The following LDLRAD4 variants were observed in gnomAD, a reference collection of about 807,000 sequenced individuals.
The protein encoded by LDLRAD4 is low-density lipoprotein receptor class A domain-containing protein 4.
LDLRAD4 carries 5 observed loss-of-function variants against 17.0 expected under a neutral mutation model. The observed-to-expected ratio is 0.29, with a 90% CI of 0.15 to 0.62. The LOEUF (loss-of-function observed/expected upper bound fraction) is 0.62. Among genes scored for constraint, LDLRAD4 ranks in the 20% least tolerant of loss-of-function variants. The probability of loss-of-function intolerance (pLI) is 0.84; values close to 1 mark genes in which losing one functional copy is unlikely to be tolerated. For missense variants in LDLRAD4, 340 were observed against 424.7 expected (o/e 0.80, Z 1.75); for synonymous variants, 168 against 171.8 (o/e 0.98, Z 0.17).
Position 13,612,419 on chromosome 18 carries a change from T to C in LDLRAD4, c.182-8698T>C, listed in dbSNP as rs868105646. On this transcript the variant is annotated intron_variant, in intron 3 of 5. Coordinates refer to ENST00000359446, the Ensembl canonical transcript of LDLRAD4. ...GCTTCCTGCCGCAGAGCTCCTGGTTTCTGTTGATGGCAGTTGATAATTGGT... is the reference window on the plus strand; with the variant it reads ...GCTTCCTGCCGCAGAGCTCCTGGTTCCTGTTGATGGCAGTTGATAATTGGT... The C allele has an allele frequency of 3.4e-5, 42 of 1,243,866 alleles. No homozygotes were observed. The African/African-American group carries it at 6.0e-4, about 18-fold the overall frequency. 77.1% of individuals were successfully genotyped at this position (1,243,866 alleles called of 1,614,324 possible).
At chr18:13,337,001 T>A (rs1568021429) in intron 1 of LDLRAD4, among the ~76,000 whole-genome samples, 1 of 152,200 alleles carries the variant, frequency 6.6e-6, no homozygotes, top group Admixed American at 6.5e-5. Flanking sequence ...TTGAGTGAGC[T>A]GGGTTTTCCA....
At chr18:13,465,716 C>T (rs1020180864) in intron 3 of LDLRAD4, among the ~76,000 whole-genome samples, 19 of 152,146 alleles carry the variant, frequency 1.2e-4, no homozygotes, top group African/African-American at 4.3e-4. Context: ...GTTAGGCCTG[C>T]GGCTTGGCAG....
chr18:13,627,306 A>T (rs2041261878), intron 4 of LDLRAD4, among the ~76,000 whole-genome samples: 1 of 152,168 alleles, frequency 6.6e-6, no homozygotes, highest in South Asian at 2.1e-4. Context: ...TTCACATGAA[A>T]ATTGGAGTTT....
intron 5 of LDLRAD4, chr18:13,644,916 A>G: frequency 1.8e-6 from 1 of 555,486 alleles, no homozygotes. Context: ...ATGCGCTGGG[A>G]TTTGGCAAGG....
At chr18:13,550,838 C>T (rs901701202) in intron 3 of LDLRAD4, among the ~76,000 whole-genome samples, 40 of 152,146 alleles carry the variant, frequency 2.6e-4, no homozygotes, top group African/African-American at 8.7e-4. Context: ...CCTTCCTCTG[C>T]GAGCAGGCAG....
At chr18:13,612,668 C>T (rs1334833505) in intron 3 of LDLRAD4, 2 of 1,613,326 alleles carry the variant, frequency 1.2e-6, no homozygotes, top group Non-Finnish European at 8.5e-7. Flanking sequence ...GGGGGGGCTG[C>T]GTCACAGTTG....
chr18:13,639,145 T>G (rs934494589), intron 4 of LDLRAD4, among the ~76,000 whole-genome samples: 1 of 152,258 alleles, frequency 6.6e-6, no homozygotes, highest in African/African-American at 2.4e-5. Context: ...GATACAACAA[T>G]GTAAGCATTA....
rs551609648 is a variant in LDLRAD4, at chr18:13,254,733, C to T, written c.-466-23372C>T. Among the ~76,000 whole-genome samples, 16 of 152,336 alleles carry T rather than the reference C, an allele frequency of 1.1e-4. No individual in the cohort carries two copies. In the South Asian group the frequency reaches 3.3e-3, roughly 32 times the overall value. ...ATCCCAGAGCTTTGGGAGGCTGAGG[C>T]AGGAGGATCATTTGAGCCCAAGAGT... On this transcript the variant is annotated intron_variant, in intron 1 of 5. Coordinates refer to the LDLRAD4 transcript ENST00000399848.
At chr18:13,348,332 G>A (rs978946004) in intron 1 of LDLRAD4, among the ~76,000 whole-genome samples, 4 of 152,166 alleles carry the variant, frequency 2.6e-5, no homozygotes, top group African/African-American at 9.7e-5. Context: ...TTTGCTGGAG[G>A]TCCACTCCAG....
chr18:13,443,448 C>A (rs2091165812), intron 3 of LDLRAD4, among the ~76,000 whole-genome samples: 1 of 152,148 alleles, frequency 6.6e-6, no homozygotes, highest in South Asian at 2.1e-4. Flanking sequence ...TCTATTTTTT[C>A]CCTATAATTA....
At chr18:13,411,530 G>A (rs1320772445) in intron 2 of LDLRAD4, among the ~76,000 whole-genome samples, 1 of 152,116 alleles carries the variant, frequency 6.6e-6, no homozygotes, top group Non-Finnish European at 1.5e-5. Flanking sequence ...TGAATCACAG[G>A]GATGAGTCTT....
At chr18:13,629,784 AAAAAG>A (rs997255823) in intron 4 of LDLRAD4, among the ~76,000 whole-genome samples, 1 of 151,846 alleles carries the variant, frequency 6.6e-6, no homozygotes, top group African/African-American at 2.4e-5. Flanking sequence ...TCTGAAAAAA[AAAAAG>A]AGAAGAAGAT....
At chr18:13,448,039 G>A (rs1027242389) in intron 3 of LDLRAD4, among the ~76,000 whole-genome samples, 3 of 152,184 alleles carry the variant, frequency 2.0e-5, no homozygotes, top group Admixed American at 6.5e-5. Flanking sequence ...CGCTGTTACT[G>A]ATCAATTTTA....
At chr18:13,428,652 G>A (rs1442939347) in intron 2 of LDLRAD4, among the ~76,000 whole-genome samples, 1 of 152,152 alleles carries the variant, frequency 6.6e-6, no homozygotes, top group South Asian at 2.1e-4. Flanking sequence ...CTTGGAGGAG[G>A]GTGACTGTAG....
At chr18:13,262,165 G>C (rs1377632633) in intron 1 of LDLRAD4, among the ~76,000 whole-genome samples, 1 of 106,674 alleles carries the variant, frequency 9.4e-6, no homozygotes, top group Non-Finnish European at 1.9e-5. Flanking sequence ...TGTGCGTGGG[G>C]GCTGAGTCCC....
At position 13,278,120 on chromosome 18, in the gene LDLRAD4, G is replaced by A. The variant is rs948320335; in HGVS notation, c.-451G>A. The A allele has an allele frequency of 3.9e-5, 6 of 152,158 alleles. No homozygotes were observed. In the East Asian group the frequency reaches 5.8e-4, roughly 15 times the overall value. The allele number at this position is 152,158 out of a possible 1,614,324, so 9.4% of individuals were successfully genotyped here. On this transcript the variant is annotated 5_prime_UTR_variant, in exon 1 of 6. Coordinates refer to ENST00000359446, the Ensembl canonical transcript of LDLRAD4. ...TTCTTTCTAGCGGTTCAAGCTCTAC[G>A]TTCGTGACATCAAACCTCCTGTTGG...
intron 3 of LDLRAD4, among the ~76,000 whole-genome samples, chr18:13,538,529 G>GT (rs757970920): frequency 0.18 from 25,713 of 144,492 alleles, 2,428 homozygotes; most frequent in Middle Eastern, 0.32. Context: ...TGATGTCTAT[G>GT]ATTTTTTTTT....
intron 4 of LDLRAD4, among the ~76,000 whole-genome samples, chr18:13,623,544 A>G (rs1272417516): frequency 1.3e-5 from 2 of 152,196 alleles, no homozygotes; most frequent in East Asian, 3.9e-4. Flanking sequence ...AGCGTAGCTT[A>G]GCAAAGGACT....
intron 1 of LDLRAD4, among the ~76,000 whole-genome samples, chr18:13,376,942 G>T (rs996482883): frequency 2.0e-5 from 3 of 152,238 alleles, no homozygotes; most frequent in African/African-American, 7.2e-5. Flanking sequence ...CCATTAGTTA[G>T]AGACCAGGCA....
Sources: gnomAD v4.1 joint callset for allele counts (sites outside exome capture counted in the v4.1 genomes callset) on GRCh38, gnomAD v4.1.1 for gene constraint, MANE v1.5 for transcripts, NCBI Gene and HGNC (gene_info 2026-07-23, HGNC 2026-07-21) for gene names.